The following BZW2 variants were observed in gnomAD, a reference collection of about 807,000 sequenced individuals.
BZW2 encodes the protein eIF5-mimic protein 1.
A neutral mutation model predicts 53.2 loss-of-function variants in BZW2; 23 were observed. The observed-to-expected ratio is 0.43, with a 90% confidence interval of 0.31 to 0.61. BZW2 has a LOEUF of 0.61. Among genes scored for constraint, BZW2 ranks in the 20% least tolerant of loss-of-function variants. BZW2 has a pLI of 0.09. For missense variants in BZW2, 409 were observed against 503.1 expected (o/e 0.81, Z 1.79); for synonymous variants, 227 against 186.4 (o/e 1.22, Z -1.77).
Position 16,706,184 on chromosome 7 carries a change from C to CA in BZW2, c.*99dup. ...AAGAGAAACTTGGCTTCTGTTTTCG[C>CA]AAAGGAAAAAAAAAATAGGATAGGC... On this transcript the variant is annotated 3_prime_UTR_variant, in exon 12 of 12. Coordinates refer to ENST00000258761, the MANE Select transcript of BZW2 (RefSeq NM_014038.3). 3.7e-6 allele frequency: 5 copies of CA among 1,352,398 alleles called. No individual in the cohort carries two copies. The highest frequency in any genetic ancestry group is 5.1e-6 in the Non-Finnish European group (5 of 973,296). 83.8% of individuals were successfully genotyped at this position (1,352,398 alleles called of 1,614,324 possible).
intron 2 of BZW2, among the ~76,000 whole-genome samples, chr7:16,667,963 A>C (rs1256059977): frequency 6.6e-6 from 1 of 152,228 alleles, no homozygotes; most frequent in East Asian, 1.9e-4. Context: ...TGTTTAAAGC[A>C]GTCTTGGAAA....
At chr7:16,676,781 C>G (rs765980494) in intron 3 of BZW2, among the ~76,000 whole-genome samples, 4 of 152,172 alleles carry the variant, frequency 2.6e-5, no homozygotes, top group Admixed American at 6.5e-5. Flanking sequence ...AGTCACATGA[C>G]TGTAGTAGTC....
At chr7:16,670,809 C>A (rs1782576074) in intron 2 of BZW2, among the ~76,000 whole-genome samples, 1 of 152,186 alleles carries the variant, frequency 6.6e-6, no homozygotes, top group African/African-American at 2.4e-5. Context: ...ATGTTCTTGA[C>A]TGCATAATGT....
At chr7:16,689,998 G>C (rs1309753041) in intron 7 of BZW2, 92 bp downstream of exon 7, 1 of 840,170 alleles carries the variant, frequency 1.2e-6, no homozygotes, top group South Asian at 2.4e-5. Context: ...AAGATCCCTG[G>C]ATCTGTGTTG....
chr7:16,694,829 T>C lies in BZW2; in HGVS notation c.652-5T>C, dbSNP rs758761332. On this transcript the variant is annotated splice_region_variant and splice_polypyrimidine_tract_variant and intron_variant, in intron 7 of 11. Coordinates refer to ENST00000258761, the MANE Select transcript of BZW2 (RefSeq NM_014038.3). ...TTTTATAGCAGTCTTTTTTCCCTTT[T>C]TCAGGAACTCTTTCCAGTTAACAGA... is the stretch of plus-strand genomic sequence containing the variant. 19 of 1,507,446 alleles carry C rather than the reference T, an allele frequency of 1.3e-5. No homozygotes were observed. In the Admixed American group the frequency reaches 3.4e-4, roughly 27 times the overall value. The allele number at this position is 1,507,446 out of a possible 1,614,324, so 93.4% of individuals were successfully genotyped here.
intron 8 of BZW2, 105 bp from the exon 9 acceptor site, chr7:16,696,810 T>C (rs188993129): frequency 2.2e-5 from 24 of 1,111,966 alleles, no homozygotes; most frequent in Non-Finnish European, 2.3e-5. Flanking sequence ...GCTAAGCAGA[T>C]TGTTTCTTAG....
intron 2 of BZW2, among the ~76,000 whole-genome samples, chr7:16,673,501 A>G (rs550448167): frequency 1.3e-5 from 2 of 152,340 alleles, no homozygotes; most frequent in Admixed American, 1.3e-4. Context: ...TTGCAAGAGT[A>G]TAAAACAGTA....
At chr7:16,696,096 G>T (rs533319762) in intron 8 of BZW2, 1 of 152,042 alleles carries the variant, frequency 6.6e-6, no homozygotes, top group South Asian at 2.1e-4. Context: ...CTCCAGGCCA[G>T]AAGTCAAGAA....
intron 2 of BZW2, 108 bp from the exon 3 acceptor site, chr7:16,674,304 G>C: frequency 1.3e-6 from 1 of 790,642 alleles, no homozygotes; most frequent in South Asian, 2.8e-5. Context: ...GCGATGCTCT[G>C]TGGATTTTTT....
chr7:16,690,010 C>G, intron 7 of BZW2, 104 bp downstream of exon 7: 1 of 674,544 alleles, frequency 1.5e-6, no homozygotes, highest in East Asian at 3.2e-5. Flanking sequence ...TCTGTGTTGA[C>G]TTGGAGCACT....
chr7:16,670,155 G>T (rs1445692408), intron 2 of BZW2, among the ~76,000 whole-genome samples: 1 of 152,164 alleles, frequency 6.6e-6, no homozygotes, highest in Admixed American at 6.5e-5. Flanking sequence ...TCCATCATAA[G>T]TTTTTAAGAT....
intron 9 of BZW2, among the ~76,000 whole-genome samples, chr7:16,697,751 G>T (rs1783545279): frequency 6.6e-6 from 1 of 152,040 alleles, no homozygotes; most frequent in South Asian, 2.1e-4. Context: ...TATGTCTAAG[G>T]GATATTTCGA....
intron 1 of BZW2, among the ~76,000 whole-genome samples, chr7:16,664,934 T>C (rs1322007928): frequency 1.3e-5 from 2 of 152,198 alleles, no homozygotes; most frequent in African/African-American, 4.8e-5. Context: ...CTGTGGTTGT[T>C]TTTCCTATGT....
intron 1 of BZW2, among the ~76,000 whole-genome samples, chr7:16,657,554 A>T (rs1782152777): frequency 1.3e-5 from 2 of 152,134 alleles, no homozygotes; most frequent in Admixed American, 1.3e-4. Context: ...CTGCCCTTCC[A>T]CTAAATTGCA....
intron 6 of BZW2, 100 bp from the exon 7 acceptor site, chr7:16,689,697 T>G: frequency 1.1e-6 from 1 of 911,168 alleles, no homozygotes; most frequent in Non-Finnish European, 1.6e-6. Flanking sequence ...AAATTAGTCT[T>G]TTAGTTATTT....
At chr7:16,661,786 C>T (rs1438977067) in intron 1 of BZW2, among the ~76,000 whole-genome samples, 1 of 151,924 alleles carries the variant, frequency 6.6e-6, no homozygotes, top group African/African-American at 2.4e-5. Context: ...TGGAACTGTT[C>T]CATTTTGGTA....
chr7:16,677,785 A>C (rs567199123), intron 3 of BZW2, among the ~76,000 whole-genome samples: 10 of 152,118 alleles, frequency 6.6e-5, no homozygotes, highest in Non-Finnish European at 1.2e-4. Context: ...TGGTCCAGTA[A>C]ATAATAATTT....
At chr7:16,646,708 G>A (rs961527110) in intron 1 of BZW2, among the ~76,000 whole-genome samples, 3 of 152,212 alleles carry the variant, frequency 2.0e-5, no homozygotes, top group Admixed American at 6.5e-5. Context: ...AACAGACTCG[G>A]GAGAAGGTAG....
intron 5 of BZW2, 57 bp downstream of exon 5, chr7:16,682,902 A>G (rs1782995001): frequency 8.1e-7 from 1 of 1,241,306 alleles, no homozygotes. Flanking sequence ...GGGGTGGATA[A>G]AAATTTTATA....
Sources: gnomAD v4.1 joint callset for allele counts (sites outside exome capture counted in the v4.1 genomes callset) on GRCh38, gnomAD v4.1.1 for gene constraint, MANE v1.5 for transcripts, NCBI Gene and HGNC (gene_info 2026-07-23, HGNC 2026-07-21) for gene names.